The following APEH variants were observed in gnomAD, a reference collection of about 807,000 sequenced individuals.
APEH encodes acylamino-acid-releasing enzyme.
APEH carries 75 observed loss-of-function variants against 102.7 expected under a neutral mutation model. The ratio of observed to expected loss-of-function variants is 0.73; its 90% CI spans 0.61 to 0.89. The LOEUF is 0.89. Ranked by LOEUF, APEH falls within the 40% of genes least tolerant of loss-of-function variation. APEH has a pLI of 0.00. For missense variants in APEH, 863 were observed against 941.2 expected, an observed-to-expected ratio of 0.92 and a Z score of 1.09; for synonymous variants, 344 against 362.7, an observed-to-expected ratio of 0.95 and a Z score of 0.59.
upstream of APEH, among the ~76,000 whole-genome samples, chr3:49,673,191 C>G (rs1009509594): frequency 1.4e-5 from 2 of 143,824 alleles, no homozygotes; most frequent in African/African-American, 5.3e-5. Context: ...CAAGTGGACT[C>G]TCAATCACAA....
Position 49,676,188 on chromosome 3 carries a change from C to T in APEH, c.575C>T (p.Ala192Val), listed in dbSNP as rs1378590582. The change falls in exon 6 of 22, where the codon GCC (alanine) becomes GTC (valine). Residue 192 changes from alanine to valine, a missense_variant. Ala to Val is a moderately conservative substitution (Grantham distance 64). Transcript: ENST00000296456. ...LDVSASDDEIARLKKPDQAIK... is the reference protein window; with the variant it reads ...LDVSASDDEIVRLKKPDQAIK... ...GTCAGTGCCAGCGATGATGAGATAG[C>T]CAGGCTGAAGAAGCCAGACCAAGCC... The T allele has an allele frequency of 2.5e-6, 4 of 1,614,114 alleles. No homozygotes were observed. Among genetic ancestry groups the T allele is most frequent in the Admixed American group, 3.3e-5 (2 of 60,028 alleles).
chr3:49,675,419 C>A, intron 3 of APEH, 110 bp downstream of exon 3: 2 of 1,464,166 alleles, frequency 1.4e-6, no homozygotes, highest in Non-Finnish European at 1.8e-6. Flanking sequence ...CAGGTTCTTG[C>A]CCCCTTGGGA....
chr3:49,674,433 T>C lies in APEH; in HGVS notation c.12+20T>C. 6.4e-7 allele frequency: 1 copy of C among 1,571,694 alleles called. No individual in the cohort carries two copies. Among genetic ancestry groups the C allele is most frequent in the South Asian group, 1.1e-5 (1 of 87,200 alleles). On this transcript the variant is annotated intron_variant, in intron 1 of 21. Coordinates refer to ENST00000296456, the MANE Select transcript of APEH (RefSeq NM_001640.4). Reference sequence around the variant, plus strand: ...CGTCAGGTGAGGGCTCGGCCCGCGGTCCCCGTGGTCCCTGCAGCCCGGGCC... The same window carrying C: ...CGTCAGGTGAGGGCTCGGCCCGCGGCCCCCGTGGTCCCTGCAGCCCGGGCC...
chr3:49,682,025 C>T, intron 17 of APEH, 58 bp downstream of exon 17: 2 of 1,553,796 alleles, frequency 1.3e-6, no homozygotes, highest in Non-Finnish European at 1.8e-6. Flanking sequence ...CGGGGGTGGA[C>T]CTGGTTTGTA....
At chr3:49,674,978 CAAAG>C (rs1225116952) in intron 2 of APEH, among the ~76,000 whole-genome samples, 1 of 152,164 alleles carries the variant, frequency 6.6e-6, no homozygotes, top group Admixed American at 6.5e-5. Flanking sequence ...GGGGTTCTCT[CAAAG>C]AGGCTGTCAG....
Position 49,679,569 on chromosome 3 carries a change from C to A in APEH, c.1159-24C>A. On this transcript the variant is annotated intron_variant, in intron 12 of 21. Transcript: ENST00000296456. This position sits in a 1 kb window ranked among gnomAD's most constrained non-coding sequence, Gnocchi z 4.3. ...GGGAGTACTCTTGGATGTGGTCGCACCTGTGGCCTTGCCTCTGCTTCAGGA... is the reference window on the plus strand; with the variant it reads ...GGGAGTACTCTTGGATGTGGTCGCAACTGTGGCCTTGCCTCTGCTTCAGGA... 1 of 1,613,448 alleles carries A rather than the reference C, an allele frequency of 6.2e-7. No individual in the cohort carries two copies. The highest frequency in any genetic ancestry group is 1.7e-4 in the Middle Eastern group (1 of 6,058).
At position 49,683,872 on chromosome 3, in the gene APEH, C is replaced by T; in HGVS notation, c.*530C>T. On this transcript the variant is annotated 3_prime_UTR_variant, in exon 22 of 22. Transcript: ENST00000296456. ...GACAGATCACCTAGCCCAGGGTGTG[C>T]TGGGCTCAAGCCACCCGAGCCCTAG... 8.6e-7 allele frequency: 1 copy of T among 1,159,668 alleles called. No homozygotes were observed. The highest frequency in any genetic ancestry group is 1.2e-6 in the Non-Finnish European group (1 of 829,764). The allele number at this position is 1,159,668 out of a possible 1,614,324, so 71.8% of individuals were successfully genotyped here. A position where few individuals can be genotyped will look rare whatever the true frequency, so the allele number is the denominator to read the frequency against.
rs1186667370 is a variant in APEH at position 49,683,463 on chromosome 3, A to G, written c.*121A>G. 2.4e-6 allele frequency: 2 copies of G among 817,696 alleles called. No homozygotes were observed. Among genetic ancestry groups the G allele is most frequent in the African/African-American group, 1.7e-5 (1 of 59,096 alleles). The allele number at this position is 817,696 out of a possible 1,614,324, so 50.7% of individuals were successfully genotyped here. A position where few individuals can be genotyped will look rare whatever the true frequency, so the allele number is the denominator to read the frequency against. ...CTGGACTCCACGGATGCGTGGGCAG[A>G]GGAATGTGGGCTATGTAGTCATAAT... On this transcript the variant is annotated 3_prime_UTR_variant, in exon 22 of 22. Transcript: ENST00000296456.
intron 2 of APEH, 90 bp from the exon 3 acceptor site, chr3:49,675,093 A>G (rs2052962905): frequency 6.5e-7 from 1 of 1,541,352 alleles, no homozygotes; most frequent in Admixed American, 1.7e-5. Context: ...TGGGGAAGAT[A>G]GATCTAGGCC....
chr3:49,681,395 G>A (rs1357707213), intron 15 of APEH, among the ~76,000 whole-genome samples, 156 bp downstream of exon 15: 14 of 152,308 alleles, frequency 9.2e-5, no homozygotes, highest in Admixed American at 6.5e-4. Flanking sequence ...ATGGGAAGTA[G>A]CATCTAGACA....
Position 49,679,912 on chromosome 3 carries a change from C to A in APEH, c.1210+268C>A, listed in dbSNP as rs2053241616. On this transcript the variant is annotated intron_variant, in intron 13 of 21. Coordinates refer to ENST00000296456, the MANE Select transcript of APEH (RefSeq NM_001640.4). The surrounding 1 kb of genome is among the most constrained non-coding windows in gnomAD (Gnocchi z 4.3). ...CCTGGCCCAGCCTCAGCACGGCCCC[C>A]ACCTCTGCTCCTAAAACCCACAAAA... 1.0e-5 allele frequency: 4 copies of A among 393,388 alleles called. No individual in the cohort carries two copies. The highest frequency in any genetic ancestry group is 2.0e-5 in the African/African-American group (1 of 48,964). The allele number at this position is 393,388 out of a possible 1,614,324, so 24.4% of individuals were successfully genotyped here.
rs1224525569 is a variant in APEH at position 49,675,728 on chromosome 3, A to G, written c.307A>G (p.Lys103Glu). Residue 103 changes from lysine (K) to glutamate (E), a missense_variant, in exon 4 of 22, where the codon AAA becomes GAA. Transcript: ENST00000296456. The stretch of plus-strand genomic sequence containing the variant: ...CAGAGAGTCTCCTTCAGGCACCATG[A>G]AAGCTGTGCTGCGCAAGGCTGGAGG... ...LSRESPSGTM[K>E]AVLRKAGGTG... The G allele has an allele frequency of 1.2e-6, 2 of 1,614,058 alleles. No homozygotes were observed. The highest frequency in any genetic ancestry group is 3.3e-5 in the Admixed American group (2 of 60,034).
intron 6 of APEH, 76 bp from the exon 7 acceptor site, chr3:49,676,302 C>G: frequency 6.2e-7 from 1 of 1,611,668 alleles, no homozygotes; most frequent in African/African-American, 1.3e-5. Context: ...CCTGTCAGAC[C>G]TGGGGAGGCA....
chr3:49,681,356 G>A, intron 15 of APEH, 117 bp downstream of exon 15: 3 of 1,227,480 alleles, frequency 2.4e-6, no homozygotes, highest in Non-Finnish European at 3.2e-6. Context: ...TGACCTCTAA[G>A]AGGTTTTCTG....
intron 11 of APEH, 64 bp from the exon 12 acceptor site, chr3:49,678,788 T>G (rs1386207090): frequency 2.2e-6 from 3 of 1,382,436 alleles, no homozygotes; most frequent in African/African-American, 1.4e-5. Flanking sequence ...ACCCTAGCCT[T>G]CCTTGTAGAC....
At chr3:49,680,288 G>C in intron 13 of APEH, 1 of 473,078 alleles carries the variant, frequency 2.1e-6, no homozygotes, top group Non-Finnish European at 3.9e-6. Context: ...GGGACAGGCA[G>C]ATGTGCCTGC....
rs778686415 is a variant in APEH at position 49,676,459 on chromosome 3, G to A, written c.688G>A (p.Glu230Lys). 34 of 1,614,130 alleles carry A rather than the reference G, an allele frequency of 2.1e-5. No individual in the cohort carries two copies. Among genetic ancestry groups the A allele is most frequent in the South Asian group, 1.4e-4 (13 of 91,090 alleles). ...CCCTGTGCTCTGCGTGCTGGATGTC[G>A]AGAGTGGCAACATCTCTGTGCTTGA... ...SIPVLCVLDVESGNISVLEGV... is the reference protein window; with the variant it reads ...SIPVLCVLDVKSGNISVLEGV... The change falls in exon 7 of 22, where the codon GAG becomes AAG. Residue 230 changes from glutamate to lysine, a missense_variant. Physicochemically the swap from Glu to Lys is moderately conservative, Grantham distance 56. Transcript: ENST00000296456.
In APEH at chr3:49,678,856, C is replaced by A; in HGVS notation, c.1065C>A (p.Asn355Lys). 6.2e-7 allele frequency: 1 copy of A among 1,612,718 alleles called. No homozygotes were observed. Among genetic ancestry groups the A allele is most frequent in the Non-Finnish European group, 8.5e-7 (1 of 1,178,912 alleles). Reference protein sequence around the residue: ...VDVVPRQLGENFSGIYCSLLP... With the variant: ...VDVVPRQLGEKFSGIYCSLLP... Reference sequence around the variant, plus strand: ...TCAGCCCTCCTATCTTTACAGAGAACTTCTCTGGGATCTACTGCAGCCTTC... The same window carrying A: ...TCAGCCCTCCTATCTTTACAGAGAAATTCTCTGGGATCTACTGCAGCCTTC... The change falls in exon 12 of 22, where the codon AAC becomes AAA. Residue 355 changes from asparagine to lysine, a missense_variant. Asn to Lys is a moderately conservative substitution (Grantham distance 94). Transcript: ENST00000296456.
At chr3:49,674,170 C>A (rs1017025186), upstream of APEH, 8 of 569,668 alleles carry the variant, frequency 1.4e-5, no homozygotes, top group Non-Finnish European at 2.1e-5. Flanking sequence ...CCGCCCCTGG[C>A]GAGACCCCTG....
Sources: gnomAD v4.1 joint callset for allele counts (sites outside exome capture counted in the v4.1 genomes callset) on GRCh38, gnomAD v4.1.1 for gene constraint, Gnocchi (gnomAD v3.1) non-coding constraint, MANE v1.5 for transcripts, NCBI Gene and HGNC (gene_info 2026-07-23, HGNC 2026-07-21) for gene names.